PTPRT: variants seen among roughly 807,000 people sequenced by gnomAD.
The protein encoded by PTPRT is protein tyrosine phosphatase receptor type T, also known as receptor-type tyrosine-protein phosphatase T.
PTPRT carries 56 observed loss-of-function variants against 176.8 expected under a neutral mutation model. The observed-to-expected ratio is 0.32, with a 90% confidence interval of 0.26 to 0.40. The LOEUF is 0.40. Ranked by LOEUF, PTPRT falls within the 10% of genes least tolerant of loss-of-function variation. The pLI is 1.00. For missense variants in PTPRT, 1,540 were observed against 1,908.2 expected, an observed-to-expected ratio of 0.81 and a Z score of 3.60; for synonymous variants, 783 against 739.0, an observed-to-expected ratio of 1.06 and a Z score of -0.96.
At chr20:42,857,457 TGTCTA>T (rs2078585071) in intron 2 of PTPRT, among the ~76,000 whole-genome samples, 1 of 150,914 alleles carries the variant, frequency 6.6e-6, no homozygotes, top group Admixed American at 6.6e-5. Context: ...TTTTCTCTCT[TGTCTA>T]TTCTTTTAAC....
At chr20:43,139,882 C>T (rs769307124) in intron 1 of PTPRT, among the ~76,000 whole-genome samples, 4 of 152,100 alleles carry the variant, frequency 2.6e-5, no homozygotes, top group Non-Finnish European at 4.4e-5. Flanking sequence ...GCTTCTTGTA[C>T]GATAAGGAGA....
At chr20:42,613,036 C>T (rs941958018) in intron 7 of PTPRT, among the ~76,000 whole-genome samples, 13 of 152,148 alleles carry the variant, frequency 8.5e-5, no homozygotes, top group African/African-American at 3.1e-4. Context: ...AGATTATCTG[C>T]TTTTTAAAAA....
At chr20:42,402,520 C>A (rs1032857589) in intron 9 of PTPRT, among the ~76,000 whole-genome samples, 2 of 145,756 alleles carry the variant, frequency 1.4e-5, no homozygotes, top group Admixed American at 1.4e-4. Context: ...GAAAAGTCAG[C>A]GACAGCTAAA....
intron 6 of PTPRT, among the ~76,000 whole-genome samples, chr20:42,683,222 T>C (rs1246737213): frequency 6.6e-6 from 1 of 150,990 alleles, no homozygotes; most frequent in Non-Finnish European, 1.5e-5. Flanking sequence ...TTCCAGACTT[T>C]TGTCTGTGCC....
chr20:42,574,316 G>T (rs2073218886), intron 7 of PTPRT, among the ~76,000 whole-genome samples: 1 of 152,150 alleles, frequency 6.6e-6, no homozygotes, highest in Non-Finnish European at 1.5e-5. Flanking sequence ...GGGTATTGGA[G>T]ACGTAACTGT....
intron 1 of PTPRT, among the ~76,000 whole-genome samples, chr20:43,060,710 T>C (rs1987420660): frequency 1.3e-5 from 2 of 152,218 alleles, no homozygotes; most frequent in South Asian, 4.1e-4. Context: ...CAAGGACCTC[T>C]GTGTTCTCTT....
intron 7 of PTPRT, among the ~76,000 whole-genome samples, chr20:42,608,717 C>T (rs1427874282): frequency 6.6e-6 from 1 of 152,226 alleles, no homozygotes; most frequent in East Asian, 1.9e-4. Context: ...CCAGCTGGCA[C>T]TGTCACCTGG....
At chr20:42,810,304 A>AAAAAT (rs749560742) in intron 2 of PTPRT, among the ~76,000 whole-genome samples, 28 of 152,260 alleles carry the variant, frequency 1.8e-4, no homozygotes, top group East Asian at 5.8e-4. Context: ...CCATCAACCA[A>AAAAAT]AAAATAAAAT....
At chr20:43,139,585 T>C (rs911615338) in intron 1 of PTPRT, among the ~76,000 whole-genome samples, 2 of 152,200 alleles carry the variant, frequency 1.3e-5, no homozygotes, top group African/African-American at 4.8e-5. Context: ...GGCCCGTCCC[T>C]CGACAGCAAC....
Position 42,768,361 on chromosome 20 carries a change from T to C in PTPRT, c.684+3074A>G, listed in dbSNP as rs114822715. The stretch of plus-strand genomic sequence containing the variant: ...GACTGCTTTCTCACAGCCATCATGA[T>C]GTGAAACAGGCCTGTGAAACTCACT... On this transcript the variant is annotated intron_variant, in intron 5 of 30. Transcript: ENST00000373187. Among the ~76,000 whole-genome samples, 1,221 of 152,300 alleles carry C rather than the reference T, an allele frequency of 8.0e-3. 22 individuals are homozygous for C. The highest frequency in any genetic ancestry group is 0.028 in the African/African-American group (1,165 of 41,560).
intron 7 of PTPRT, among the ~76,000 whole-genome samples, chr20:42,619,258 G>A (rs1159908181): frequency 7.1e-6 from 1 of 140,616 alleles, no homozygotes; most frequent in Non-Finnish European, 1.5e-5. Flanking sequence ...TAAGAATGTT[G>A]AATATTGGCC....
intron 8 of PTPRT, among the ~76,000 whole-genome samples, chr20:42,450,480 G>A (rs1404935033): frequency 6.6e-6 from 1 of 152,048 alleles, no homozygotes; most frequent in East Asian, 1.9e-4. Flanking sequence ...CATTCACATT[G>A]CTTCTTTTAT....
intron 15 of PTPRT, 95 bp from the exon 16 acceptor site, chr20:42,199,483 A>T (rs1409151820): frequency 5.1e-6 from 7 of 1,370,346 alleles, no homozygotes; most frequent in Non-Finnish European, 7.0e-6. Flanking sequence ...GCTCATCCTC[A>T]ACCCCCAAAT....
At chr20:42,458,249 G>C (rs1005333540) in intron 8 of PTPRT, among the ~76,000 whole-genome samples, 1 of 152,172 alleles carries the variant, frequency 6.6e-6, no homozygotes, top group African/African-American at 2.4e-5. Context: ...AGTTTAAGAA[G>C]AGTGATCAAA....
intron 9 of PTPRT, among the ~76,000 whole-genome samples, chr20:42,445,096 C>T (rs60569079): frequency 0.095 from 14,494 of 152,158 alleles, 1,194 homozygotes; most frequent in African/African-American, 0.22. Flanking sequence ...AACTAGCTCC[C>T]AGGTCATGCT....
chr20:42,283,716 G>C (rs908849743), intron 12 of PTPRT, among the ~76,000 whole-genome samples: 1 of 151,998 alleles, frequency 6.6e-6, no homozygotes, highest in Non-Finnish European at 1.5e-5. Flanking sequence ...AATCAGAAGC[G>C]ACACTTTCAC....
chr20:42,451,852 G>C (rs1568891662), intron 8 of PTPRT, among the ~76,000 whole-genome samples: 1 of 152,096 alleles, frequency 6.6e-6, no homozygotes, highest in Non-Finnish European at 1.5e-5. Context: ...GTGAGGTGAG[G>C]CAAGTAAACA....
At chr20:43,097,215 C>G (rs935692694) in intron 1 of PTPRT, among the ~76,000 whole-genome samples, 5 of 152,198 alleles carry the variant, frequency 3.3e-5, no homozygotes, top group African/African-American at 1.2e-4. Flanking sequence ...GCCTGAGCTA[C>G]AGGATCAGAG....
intron 9 of PTPRT, among the ~76,000 whole-genome samples, chr20:42,402,483 TAAAAAAA>T (rs3061921): frequency 0.027 from 2,537 of 95,146 alleles, 56 homozygotes; most frequent in Admixed American, 0.091. Context: ...ATAGTGCAGT[TAAAAAAA>T]AAAAAAAAAA....
Sources: gnomAD v4.1 joint callset for allele counts (sites outside exome capture counted in the v4.1 genomes callset) on GRCh38, gnomAD v4.1.1 for gene constraint, MANE v1.5 for transcripts, NCBI Gene and HGNC (gene_info 2026-07-23, HGNC 2026-07-21) for gene names.